Variants in SMIM14 observed in about 807,000 individuals in gnomAD.
SMIM14 encodes the protein chromosome 4 open reading frame 34.
SMIM14 carries 5 observed loss-of-function variants against 12.6 expected under a neutral mutation model. The observed-to-expected ratio is 0.40, with a 90% CI of 0.21 to 0.83. SMIM14 has a LOEUF of 0.83. Among genes scored for constraint, SMIM14 ranks in the 40% least tolerant of loss-of-function variants. SMIM14 has a pLI of 0.37. For missense variants in SMIM14, 86 were observed against 119.1 expected, an observed-to-expected ratio of 0.72 and a Z score of 1.29; for synonymous variants, 30 against 40.1, an observed-to-expected ratio of 0.75 and a Z score of 0.95.
At chr4:39,637,985 G>A (rs1716164425) in intron 1 of SMIM14, among the ~76,000 whole-genome samples, 1 of 152,114 alleles carries the variant, frequency 6.6e-6, no homozygotes, top group Non-Finnish European at 1.5e-5. Flanking sequence ...TTGCCAACTG[G>A]GGCAACTGAA....
At chr4:39,577,603 T>C (rs952689678) in intron 2 of SMIM14, among the ~76,000 whole-genome samples, 1 of 151,984 alleles carries the variant, frequency 6.6e-6, no homozygotes, top group Non-Finnish European at 1.5e-5. Flanking sequence ...AATTTTTGTA[T>C]TTTTAGGAGA....
chr4:39,626,062 T>C (rs1195409752), intron 1 of SMIM14, among the ~76,000 whole-genome samples: 2 of 152,144 alleles, frequency 1.3e-5, no homozygotes, highest in African/African-American at 4.8e-5. Context: ...CCACCTGAGC[T>C]CTGCCTTCTA....
At chr4:39,596,042 C>T (rs1442104000) in intron 2 of SMIM14, among the ~76,000 whole-genome samples, 1 of 152,084 alleles carries the variant, frequency 6.6e-6, no homozygotes, top group Non-Finnish European at 1.5e-5. Context: ...AGTATGCCTC[C>T]TGCTCCTTCC....
At chr4:39,619,260 C>T (rs1323312552) in intron 1 of SMIM14, among the ~76,000 whole-genome samples, 28 of 118,762 alleles carry the variant, frequency 2.4e-4, no homozygotes, top group African/African-American at 9.1e-4. Flanking sequence ...TTCTATATAT[C>T]AATAAATATA....
chr4:39,572,343 A>G, intron 3 of SMIM14, 72 bp downstream of exon 3: 1 of 941,236 alleles, frequency 1.1e-6, no homozygotes, highest in Non-Finnish European at 1.6e-6. Flanking sequence ...AAATTCTGAC[A>G]AATATTCACA....
chr4:39,579,187 T>C (rs1713364343), intron 2 of SMIM14, among the ~76,000 whole-genome samples: 2 of 151,330 alleles, frequency 1.3e-5, no homozygotes, highest in Non-Finnish European at 2.9e-5. Context: ...GGTGGGAAGA[T>C]CGCTTGAGCT....
chr4:39,620,884 A>AG (rs1297618948), intron 1 of SMIM14: 1 of 152,266 alleles, frequency 6.6e-6, no homozygotes, highest in Middle Eastern at 3.2e-3. Flanking sequence ...CCAGCAAATC[A>AG]GATTATAGAA....
At chr4:39,608,963 T>G (rs760826361) in intron 1 of SMIM14, among the ~76,000 whole-genome samples, 1 of 152,062 alleles carries the variant, frequency 6.6e-6, no homozygotes, top group Non-Finnish European at 1.5e-5. Flanking sequence ...GACACTGTAA[T>G]GTACATTTTA....
chr4:39,636,714 C>CG (rs1000601220), intron 1 of SMIM14, among the ~76,000 whole-genome samples: 44 of 152,214 alleles, frequency 2.9e-4, no homozygotes, highest in South Asian at 8.3e-4. Context: ...AACAACCCCC[C>CG]CCCAGTGGAT....
At chr4:39,608,717 A>G (rs1714906950) in intron 1 of SMIM14, among the ~76,000 whole-genome samples, 1 of 152,244 alleles carries the variant, frequency 6.6e-6, no homozygotes, top group South Asian at 2.1e-4. Context: ...AATGATGGTG[A>G]TAATTGTACA....
chr4:39,620,208 T>C (rs148084424), intron 1 of SMIM14, among the ~76,000 whole-genome samples: 10,665 of 148,478 alleles, frequency 0.072, 656 homozygotes, highest in East Asian at 0.24. Context: ...GGATGGGCGC[T>C]GTGGCTCACG....
At chr4:39,576,137 C>T (rs1268441974) in intron 2 of SMIM14, among the ~76,000 whole-genome samples, 3 of 151,500 alleles carry the variant, frequency 2.0e-5, no homozygotes, top group Non-Finnish European at 4.4e-5. Flanking sequence ...TCAAGTGATC[C>T]ACTTGCTTCG....
chr4:39,618,649 CAAAAAAAAAAAAAAACA>C lies in SMIM14; in HGVS notation c.-35-13486_-35-13470del, dbSNP rs1448956678. ...TGGGCGACAGAGCGAGACTCCATCT[CAAAAAAAAAAAAAAACA>C]AAAAAAAAAAACCAAAGCCCAGTGT... On this transcript the variant is annotated intron_variant, in intron 1 of 4. Coordinates refer to ENST00000295958, the MANE Select transcript of SMIM14 (RefSeq NM_174921.3). 9.7e-5 allele frequency among the ~76,000 whole-genome samples: 9 copies of C among 92,398 alleles called. 2 individuals carry two copies. In the South Asian group the frequency reaches 3.3e-3, roughly 34 times the overall value. The allele number at this position is 92,398 out of a possible 152,430, so 60.6% of individuals were successfully genotyped here.
chr4:39,606,439 G>A (rs990381815), intron 1 of SMIM14, among the ~76,000 whole-genome samples: 2 of 151,910 alleles, frequency 1.3e-5, no homozygotes, highest in Non-Finnish European at 2.9e-5. Flanking sequence ...TCAGGAGATA[G>A]AGGCCATCCT....
At chr4:39,608,762 C>T (rs769117199) in intron 1 of SMIM14, among the ~76,000 whole-genome samples, 17 of 152,112 alleles carry the variant, frequency 1.1e-4, no homozygotes, top group Non-Finnish European at 1.5e-5. Flanking sequence ...CCAAACTGTA[C>T]ACTTTAAAAA....
At chr4:39,624,218 TACC>T (rs1715607762) in intron 1 of SMIM14, among the ~76,000 whole-genome samples, 1 of 152,172 alleles carries the variant, frequency 6.6e-6, no homozygotes, top group African/African-American at 2.4e-5. Context: ...TCTCAAATAT[TACC>T]ACACCTAGTT....
rs1560281572 is a variant in SMIM14, at chr4:39,556,578, C to A, written c.125-8G>T. On this transcript the variant is annotated splice_polypyrimidine_tract_variant and splice_region_variant and intron_variant, in intron 3 of 4. Transcript: ENST00000295958. ...CACCAGAGGGTCCCGGTACTAAAGACAAACAAAAAATGTAGCATGCTCACA... is the reference window on the plus strand; with the variant it reads ...CACCAGAGGGTCCCGGTACTAAAGAAAAACAAAAAATGTAGCATGCTCACA... The A allele has an allele frequency of 4.4e-6, 7 of 1,573,560 alleles. No homozygotes were observed. The Admixed American group carries it at 6.2e-5, about 14-fold the overall frequency.
rs1244690288 is a variant in SMIM14 at position 39,547,544 on chromosome 4, TAAG to T, written c.*4579_*4581del. 2.0e-5 allele frequency: 3 copies of T among 152,246 alleles called. No homozygotes were observed. Among genetic ancestry groups the T allele is most frequent in the Non-Finnish European group, 2.9e-5 (2 of 68,040 alleles). 9.4% of individuals were successfully genotyped at this position (152,246 alleles called of 1,614,324 possible). ...TATGATTTTTCATTTAGAAATATTA[TAAG>T]AAGACTAAACTTACTATTGCAACAA... On this transcript the variant is annotated 3_prime_UTR_variant, in exon 5 of 5. Coordinates refer to ENST00000295958, the MANE Select transcript of SMIM14 (RefSeq NM_174921.3).
rs6829852 is a variant in SMIM14 at position 39,548,101 on chromosome 4, T to C, written c.*4025A>G. 19,833 of 151,956 alleles carry C rather than the reference T, an allele frequency of 0.13. 2,915 individuals are homozygous for C. The highest frequency in any genetic ancestry group is 0.36 in the African/African-American group (15,022 of 41,370). 9.4% of individuals were successfully genotyped at this position (151,956 alleles called of 1,614,324 possible). On this transcript the variant is annotated 3_prime_UTR_variant, in exon 5 of 5. Coordinates refer to ENST00000295958, the MANE Select transcript of SMIM14 (RefSeq NM_174921.3). ...TGTATTTTTAGTGGAGATGGAGTTTTTCCATGTTGGCCAGGCTGGTCTCGA... is the reference window on the plus strand; with the variant it reads ...TGTATTTTTAGTGGAGATGGAGTTTCTCCATGTTGGCCAGGCTGGTCTCGA...
Sources: allele counts gnomAD v4.1 joint callset (sites outside exome capture counted in the v4.1 genomes callset), GRCh38; gene constraint gnomAD v4.1.1; transcripts MANE v1.5; gene names NCBI Gene and HGNC (gene_info 2026-07-23, HGNC 2026-07-21).